Variants in PCDH9 observed in about 807,000 individuals in gnomAD.
The protein encoded by PCDH9 is protocadherin-9.
In PCDH9, 24 loss-of-function variants were observed where a neutral mutation model predicts 70.6. The ratio of observed to expected loss-of-function variants is 0.34; its 90% CI spans 0.25 to 0.48. The LOEUF (loss-of-function observed/expected upper bound fraction) is 0.48. Ranked by LOEUF, PCDH9 falls within the 20% of genes least tolerant of loss-of-function variation. PCDH9 has a pLI of 0.99. For synonymous variants in PCDH9, 562 were observed against 558.5 expected, an observed-to-expected ratio of 1.01 and a Z score of -0.09; for missense variants, 1,281 against 1,503.6, an observed-to-expected ratio of 0.85 and a Z score of 2.45.
intron 2 of PCDH9, among the ~76,000 whole-genome samples, chr13:66,994,226 T>C (rs2084061204): frequency 1.3e-5 from 2 of 152,080 alleles, no homozygotes; most frequent in Non-Finnish European, 2.9e-5. Flanking sequence ...GTGATGAAAC[T>C]GATTCCAGGA....
intron 4 of PCDH9, among the ~76,000 whole-genome samples, chr13:66,432,610 C>T (rs1379686057): frequency 2.0e-5 from 3 of 152,000 alleles, no homozygotes; most frequent in Admixed American, 6.6e-5. Context: ...ACACAGACTA[C>T]CAGAGAAATG....
chr13:67,180,662 C>G (rs1443683793), intron 2 of PCDH9, among the ~76,000 whole-genome samples: 1 of 152,180 alleles, frequency 6.6e-6, no homozygotes, highest in East Asian at 1.9e-4. Context: ...GCGGAGCCAA[C>G]TTTGTGAGCT....
chr13:67,025,241 T>C (rs1215328885), intron 2 of PCDH9, among the ~76,000 whole-genome samples: 3 of 152,140 alleles, frequency 2.0e-5, no homozygotes, highest in Non-Finnish European at 4.4e-5. Context: ...ATATTTTCTT[T>C]TGACCCTTCT....
intron 3 of PCDH9, among the ~76,000 whole-genome samples, chr13:66,843,237 G>A (rs1235939251): frequency 6.6e-6 from 1 of 152,102 alleles, no homozygotes; most frequent in Non-Finnish European, 1.5e-5. Context: ...AGATGGAAAA[G>A]CCCAAATATT....
chr13:66,537,446 G>A (rs769616123), intron 4 of PCDH9, among the ~76,000 whole-genome samples: 5 of 152,026 alleles, frequency 3.3e-5, no homozygotes, highest in Non-Finnish European at 7.4e-5. Context: ...AGCATAACAG[G>A]CCTACAGAGA....
chr13:66,346,936 T>A (rs1268430714), intron 4 of PCDH9, among the ~76,000 whole-genome samples: 1 of 152,218 alleles, frequency 6.6e-6, no homozygotes, highest in African/African-American at 2.4e-5. Flanking sequence ...CCAACCATAG[T>A]GGAAATACAA....
chr13:66,979,550 T>C (rs780342475), intron 2 of PCDH9, among the ~76,000 whole-genome samples: 8 of 152,140 alleles, frequency 5.3e-5, no homozygotes, highest in Non-Finnish European at 1.0e-4. Context: ...TCAGCATTCT[T>C]CTCTAATAGA....
intron 4 of PCDH9, among the ~76,000 whole-genome samples, chr13:66,512,729 C>A (rs1959540538): frequency 6.6e-6 from 1 of 152,120 alleles, no homozygotes; most frequent in Admixed American, 6.6e-5. Context: ...ATAAAAAATT[C>A]TGTAAAACAA....
At chr13:66,419,579 G>A (rs1014657847) in intron 4 of PCDH9, among the ~76,000 whole-genome samples, 1 of 151,916 alleles carries the variant, frequency 6.6e-6, no homozygotes, top group African/African-American at 2.4e-5. Flanking sequence ...CTAGTTGAGG[G>A]AAGCCATGAG....
chr13:66,627,261 CTA>C (rs1367810566), intron 4 of PCDH9, among the ~76,000 whole-genome samples: 1 of 152,072 alleles, frequency 6.6e-6, no homozygotes, highest in Non-Finnish European at 1.5e-5. Flanking sequence ...TCTTCGGGAA[CTA>C]TCAAAGCCCG....
chr13:66,517,793 T>G (rs1443460140), intron 4 of PCDH9, among the ~76,000 whole-genome samples: 1 of 152,174 alleles, frequency 6.6e-6, no homozygotes, highest in Non-Finnish European at 1.5e-5. Context: ...ATTTTTTTCC[T>G]CTTAATGATT....
chr13:66,545,129 A>C (rs914217733), intron 4 of PCDH9, among the ~76,000 whole-genome samples: 1 of 152,160 alleles, frequency 6.6e-6, no homozygotes, highest in African/African-American at 2.4e-5. Flanking sequence ...TAAGAAAAAC[A>C]AGGTATTTTT....
At chr13:66,916,590 A>T (rs1381567126) in intron 2 of PCDH9, among the ~76,000 whole-genome samples, 1 of 151,596 alleles carries the variant, frequency 6.6e-6, no homozygotes, top group African/African-American at 2.4e-5. Flanking sequence ...GTATGTGAAT[A>T]CAATAAAAAT....
chr13:66,616,159 TAA>T lies in PCDH9; in HGVS notation c.3340+15049_3340+15050del, dbSNP rs1385509161. ...TTACTTTCTGACAGTCTAGGAGCTC[TAA>T]GTTTATCTTGGGACCCTAAGAGGAG... On this transcript the variant is annotated intron_variant, in intron 4 of 4. Coordinates refer to ENST00000377865, the MANE Select transcript of PCDH9 (RefSeq NM_203487.3). Among the ~76,000 whole-genome samples, 5 of 152,320 alleles carry T rather than the reference TAA, an allele frequency of 3.3e-5. No homozygotes were observed. The East Asian group carries it at 9.6e-4, about 29-fold the overall frequency.
At chr13:67,066,982 T>C (rs2085660798) in intron 2 of PCDH9, among the ~76,000 whole-genome samples, 1 of 152,178 alleles carries the variant, frequency 6.6e-6, no homozygotes, top group East Asian at 1.9e-4. Flanking sequence ...TCAATAGCAT[T>C]GTTGCCTATT....
chr13:66,537,925 T>C (rs1191684403), intron 4 of PCDH9, among the ~76,000 whole-genome samples: 1 of 152,132 alleles, frequency 6.6e-6, no homozygotes, highest in East Asian at 1.9e-4. Context: ...TTGTGGATTG[T>C]TCCTGGGAAA....
intron 2 of PCDH9, among the ~76,000 whole-genome samples, chr13:66,938,085 G>A (rs1594286022): frequency 6.6e-6 from 1 of 152,258 alleles, no homozygotes; most frequent in East Asian, 1.9e-4. Context: ...CTATGGTTCA[G>A]AATAGATTGT....
intron 4 of PCDH9, among the ~76,000 whole-genome samples, chr13:66,566,158 AAG>A: frequency 6.6e-6 from 1 of 152,164 alleles, no homozygotes. Flanking sequence ...GCTCAATTGG[AAG>A]CTATTTGACT....
intron 4 of PCDH9, among the ~76,000 whole-genome samples, chr13:66,332,957 A>G (rs954550791): frequency 1.3e-5 from 2 of 151,894 alleles, no homozygotes; most frequent in African/African-American, 2.4e-5. Flanking sequence ...TTTGAGTTTT[A>G]CTCTCTTAGC....
Sources: allele counts gnomAD v4.1 joint callset (sites outside exome capture counted in the v4.1 genomes callset), GRCh38; gene constraint gnomAD v4.1.1; transcripts MANE v1.5; gene names NCBI Gene and HGNC (gene_info 2026-07-23, HGNC 2026-07-21).